The following ANGPT1 variants were observed in gnomAD, a reference collection of about 807,000 sequenced individuals.
The protein encoded by ANGPT1 is angiopoietin 1, also known as angiopoietin-1.
A neutral mutation model predicts 62.2 loss-of-function variants in ANGPT1; 17 were observed. The observed-to-expected ratio is 0.27, with a 90% confidence interval of 0.19 to 0.41. The LOEUF is 0.41. Among genes scored for constraint, ANGPT1 ranks in the 10% least tolerant of loss-of-function variants. The probability of loss-of-function intolerance (pLI) is 1.00; values close to 1 mark genes in which losing one functional copy is unlikely to be tolerated. For synonymous variants in ANGPT1, 199 were observed against 198.9 expected, an observed-to-expected ratio of 1.00 and a Z score of 0.00; for missense variants, 478 against 594.9, an observed-to-expected ratio of 0.80 and a Z score of 2.04.
At position 107,336,724 on chromosome 8, in the gene ANGPT1, T is replaced by G. The variant is rs539462033; in HGVS notation, c.454-453A>C. ...CTACTTATATTCTACCAACTAATGT[T>G]TTACATGCCTTTCAGATATTATTTT... On this transcript the variant is annotated intron_variant, in intron 2 of 8. Coordinates refer to ENST00000517746, the MANE Select transcript of ANGPT1 (RefSeq NM_001146.5). 1.1e-4 allele frequency among the ~76,000 whole-genome samples: 16 copies of G among 152,030 alleles called. No individual in the cohort carries two copies. In the East Asian group the frequency reaches 2.9e-3, roughly 28 times the overall value.
intron 1 of ANGPT1, among the ~76,000 whole-genome samples, chr8:107,437,878 G>A (rs1237729005): frequency 1.3e-5 from 2 of 152,040 alleles, no homozygotes; most frequent in African/African-American, 2.4e-5. Context: ...AAAATGCAAA[G>A]GACTGGTTGT....
chr8:107,485,182 T>A (rs1230877730), intron 1 of ANGPT1, among the ~76,000 whole-genome samples: 4 of 152,176 alleles, frequency 2.6e-5, no homozygotes, highest in African/African-American at 4.8e-5. Flanking sequence ...CCCAACAGTA[T>A]CTACTGGGCA....
intron 8 of ANGPT1, among the ~76,000 whole-genome samples, chr8:107,260,536 GAC>G (rs899596343): frequency 3.2e-4 from 48 of 152,176 alleles, no homozygotes; most frequent in African/African-American, 1.1e-3. Flanking sequence ...GGGAAATTTT[GAC>G]AGAGAATAAG....
At chr8:107,303,999 C>T (rs1814656317) in intron 4 of ANGPT1, among the ~76,000 whole-genome samples, 2 of 151,804 alleles carry the variant, frequency 1.3e-5, no homozygotes, top group Admixed American at 1.3e-4. Context: ...AACTTAACTA[C>T]CTACAATGAA....
intron 1 of ANGPT1, among the ~76,000 whole-genome samples, chr8:107,407,116 T>A (rs572978597): frequency 6.6e-6 from 1 of 152,272 alleles, no homozygotes; most frequent in South Asian, 2.1e-4. Flanking sequence ...ACAATGACGC[T>A]TCCACAGATT....
intron 1 of ANGPT1, among the ~76,000 whole-genome samples, chr8:107,370,908 C>T (rs1816396103): frequency 6.6e-6 from 1 of 150,640 alleles, no homozygotes; most frequent in Non-Finnish European, 1.5e-5. Context: ...GAGCATATGG[C>T]ATTGAAAAAA....
intron 1 of ANGPT1, among the ~76,000 whole-genome samples, chr8:107,383,542 G>T (rs1816678395): frequency 6.6e-6 from 1 of 152,102 alleles, no homozygotes; most frequent in Non-Finnish European, 1.5e-5. Context: ...TGAGTGTGAA[G>T]GTGTTAATTA....
intron 1 of ANGPT1, among the ~76,000 whole-genome samples, chr8:107,439,057 AC>A (rs1177770007): frequency 1.3e-5 from 2 of 152,200 alleles, no homozygotes; most frequent in South Asian, 2.1e-4. Flanking sequence ...AATCTAATAT[AC>A]TTTTTATGCT....
At chr8:107,457,860 A>ACACACACACG (rs1554596405) in intron 1 of ANGPT1, among the ~76,000 whole-genome samples, 27 of 142,442 alleles carry the variant, frequency 1.9e-4, no homozygotes, top group African/African-American at 7.4e-4. Context: ...ACACACACAC[A>ACACACACACG]CACACACCAA....
At chr8:107,275,087 G>A (rs920158925) in intron 7 of ANGPT1, among the ~76,000 whole-genome samples, 1 of 152,124 alleles carries the variant, frequency 6.6e-6, no homozygotes, top group Non-Finnish European at 1.5e-5. Context: ...TTGAAAAATA[G>A]AGGTTGAGTT....
intron 2 of ANGPT1, among the ~76,000 whole-genome samples, chr8:107,341,402 A>C (rs2130137851): frequency 6.6e-6 from 1 of 152,238 alleles, no homozygotes; most frequent in African/African-American, 2.4e-5. Flanking sequence ...AAAAAAGTAG[A>C]AGACTGCTCC....
intron 5 of ANGPT1, among the ~76,000 whole-genome samples, chr8:107,302,617 A>C (rs1174491737): frequency 6.6e-6 from 1 of 151,992 alleles, no homozygotes; most frequent in Non-Finnish European, 1.5e-5. Context: ...GATTTAATGA[A>C]TAAATGGTGG....
chr8:107,409,837 A>G (rs930012656), intron 1 of ANGPT1, among the ~76,000 whole-genome samples: 2 of 151,890 alleles, frequency 1.3e-5, no homozygotes, highest in African/African-American at 4.8e-5. Context: ...CTGTTTAACT[A>G]GACAGTGGGC....
chr8:107,475,972 T>A (rs1177131191), intron 1 of ANGPT1, among the ~76,000 whole-genome samples: 2 of 152,128 alleles, frequency 1.3e-5, no homozygotes, highest in African/African-American at 4.8e-5. Flanking sequence ...TAAGAACAAT[T>A]TTACTCTGTT....
At chr8:107,425,801 G>A (rs976362857) in intron 1 of ANGPT1, among the ~76,000 whole-genome samples, 2 of 152,170 alleles carry the variant, frequency 1.3e-5, no homozygotes, top group African/African-American at 2.4e-5. Context: ...CCAAGCTCTT[G>A]TCCAACCCCA....
intron 6 of ANGPT1, among the ~76,000 whole-genome samples, chr8:107,285,920 G>A (rs1043334045): frequency 6.6e-6 from 1 of 152,120 alleles, no homozygotes; most frequent in Non-Finnish European, 1.5e-5. Flanking sequence ...GACATGCACT[G>A]AGCATTCCAA....
At chr8:107,351,281 TG>T (rs1375084056) in intron 1 of ANGPT1, among the ~76,000 whole-genome samples, 2 of 152,164 alleles carry the variant, frequency 1.3e-5, no homozygotes, top group African/African-American at 4.8e-5. Context: ...ATTTAATATT[TG>T]CATAGCTTTT....
intron 1 of ANGPT1, among the ~76,000 whole-genome samples, chr8:107,479,950 GA>G (rs1812631931): frequency 6.6e-6 from 1 of 152,084 alleles, no homozygotes; most frequent in South Asian, 2.1e-4. Context: ...AAACTTATGT[GA>G]AACTGAAATA....
chr8:107,369,607 A>G (rs894789486), intron 1 of ANGPT1, among the ~76,000 whole-genome samples: 2 of 152,142 alleles, frequency 1.3e-5, no homozygotes, highest in South Asian at 2.1e-4. Flanking sequence ...CTTTAATGCT[A>G]GAGATGTACA....
Sources: gnomAD v4.1 joint callset for allele counts (sites outside exome capture counted in the v4.1 genomes callset) on GRCh38, gnomAD v4.1.1 for gene constraint, MANE v1.5 for transcripts, NCBI Gene and HGNC (gene_info 2026-07-23, HGNC 2026-07-21) for gene names.